The following PKIB variants were observed in gnomAD, a reference collection of about 807,000 sequenced individuals.
PKIB encodes the protein cAMP-dependent protein kinase inhibitor beta, also known as PKI-beta.
In PKIB, 2 loss-of-function variants were observed where a neutral mutation model predicts 4.5. That is an observed-to-expected ratio of 0.44 (90% CI 0.18 to 1.39). The LOEUF (loss-of-function observed/expected upper bound fraction) is 1.39. PKIB is among the 40% of genes most tolerant of loss of function. The probability of loss-of-function intolerance (pLI) is 0.27; values close to 1 mark genes in which losing one functional copy is unlikely to be tolerated. For synonymous variants in PKIB, 38 were observed against 36.0 expected, an observed-to-expected ratio of 1.06 and a Z score of -0.20; for missense variants, 94 against 92.6, an observed-to-expected ratio of 1.02 and a Z score of -0.06.
chr6:122,553,291 T>A (rs1772735431), intron 2 of PKIB, among the ~76,000 whole-genome samples: 1 of 152,050 alleles, frequency 6.6e-6, no homozygotes. Flanking sequence ...ACAAAAGTAA[T>A]TGCAGTTTTT....
At chr6:122,507,935 CAA>C (rs779816204) in intron 2 of PKIB, among the ~76,000 whole-genome samples, 2 of 151,954 alleles carry the variant, frequency 1.3e-5, no homozygotes, top group East Asian at 1.9e-4. Context: ...TTTAAGGTAA[CAA>C]GAGCCAATTG....
At chr6:122,502,507 G>C (rs1776271357) in intron 2 of PKIB, among the ~76,000 whole-genome samples, 1 of 151,792 alleles carries the variant, frequency 6.6e-6, no homozygotes, top group Non-Finnish European at 1.5e-5. Context: ...TCGTTTGGCA[G>C]AACAGAAGAG....
At chr6:122,520,240 A>C (rs1388985371) in intron 2 of PKIB, among the ~76,000 whole-genome samples, 2 of 152,150 alleles carry the variant, frequency 1.3e-5, no homozygotes, top group Non-Finnish European at 2.9e-5. Flanking sequence ...ATAAGCTCCT[A>C]GAAGAAAAGA....
At chr6:122,679,927 A>G (rs925269781) in intron 3 of PKIB, among the ~76,000 whole-genome samples, 5 of 152,336 alleles carry the variant, frequency 3.3e-5, no homozygotes, top group African/African-American at 1.2e-4. Flanking sequence ...GATAATAGGT[A>G]GAGGAGCCAA....
chr6:122,521,477 G>A (rs1454932133), intron 2 of PKIB, among the ~76,000 whole-genome samples: 3 of 151,948 alleles, frequency 2.0e-5, no homozygotes, highest in African/African-American at 4.8e-5. Context: ...TCAGGAGATC[G>A]AGACCATCCT....
At chr6:122,625,080 A>C (rs564486329) in intron 1 of PKIB, among the ~76,000 whole-genome samples, 1 of 152,320 alleles carries the variant, frequency 6.6e-6, no homozygotes, top group African/African-American at 2.4e-5. Flanking sequence ...GCAGTTGCGC[A>C]ATGCAGATGT....
At chr6:122,721,101 T>C (rs905186420) in intron 4 of PKIB, among the ~76,000 whole-genome samples, 1 of 152,168 alleles carries the variant, frequency 6.6e-6, no homozygotes. Context: ...AGATTACCTT[T>C]TCAGTACAAA....
chr6:122,501,090 C>G (rs1252352423), intron 2 of PKIB, among the ~76,000 whole-genome samples: 1 of 152,098 alleles, frequency 6.6e-6, no homozygotes, highest in Non-Finnish European at 1.5e-5. Context: ...TCATTCTGCC[C>G]CCAGCTTCTC....
At chr6:122,532,650 A>G (rs532253585) in intron 2 of PKIB, among the ~76,000 whole-genome samples, 1 of 152,292 alleles carries the variant, frequency 6.6e-6, no homozygotes, top group Non-Finnish European at 1.5e-5. Context: ...TATTTTGCCT[A>G]CCATAATGTT....
intron 1 of PKIB, among the ~76,000 whole-genome samples, chr6:122,621,051 C>A (rs1775206451): frequency 6.6e-6 from 1 of 152,086 alleles, no homozygotes; most frequent in African/African-American, 2.4e-5. Flanking sequence ...GTCATTTTAA[C>A]CTACTACCAG....
intron 2 of PKIB, among the ~76,000 whole-genome samples, chr6:122,572,632 C>A (rs1582706402): frequency 2.2e-5 from 3 of 139,398 alleles, no homozygotes; most frequent in African/African-American, 2.6e-5. Context: ...AAGATCAGAG[C>A]AGAACTAAAT....
chr6:122,653,103 A>G (rs2114885871), intron 2 of PKIB, among the ~76,000 whole-genome samples: 1 of 152,324 alleles, frequency 6.6e-6, no homozygotes, highest in Non-Finnish European at 1.5e-5. Flanking sequence ...TTGGCTAGTC[A>G]GGAAGAATTC....
At chr6:122,717,392 C>T (rs924745100) in intron 3 of PKIB, among the ~76,000 whole-genome samples, 3 of 152,118 alleles carry the variant, frequency 2.0e-5, no homozygotes, top group African/African-American at 7.2e-5. Context: ...TCAGCCTGAA[C>T]AATCACCACA....
At chr6:122,588,200 G>A (rs959017366) in intron 3 of PKIB, among the ~76,000 whole-genome samples, 65 of 152,170 alleles carry the variant, frequency 4.3e-4, no homozygotes, top group African/African-American at 1.4e-3. Context: ...TAATTTTTGT[G>A]TAAGGTGTAA....
intron 2 of PKIB, among the ~76,000 whole-genome samples, chr6:122,553,481 C>CTTTTTTTTTTTTTTTT (rs533553939): frequency 0.04 from 2,640 of 65,616 alleles, 645 homozygotes; most frequent in Non-Finnish European, 0.045. Context: ...CAAATATCTT[C>CTTTTTTTTTTTTTTTT]TTTTTTTTTT....
chr6:122,516,976 G>C (rs1049097268), intron 2 of PKIB, among the ~76,000 whole-genome samples: 1 of 152,132 alleles, frequency 6.6e-6, no homozygotes, highest in African/African-American at 2.4e-5. Context: ...CATAGTGTGG[G>C]AATGGTGCAT....
At chr6:122,618,792 A>C (rs986069067) in intron 1 of PKIB, among the ~76,000 whole-genome samples, 1 of 152,118 alleles carries the variant, frequency 6.6e-6, no homozygotes, top group African/African-American at 2.4e-5. Flanking sequence ...TTGATACATC[A>C]TATACACCTA....
At chr6:122,596,154 C>T (rs967153069) in intron 3 of PKIB, among the ~76,000 whole-genome samples, 1 of 152,210 alleles carries the variant, frequency 6.6e-6, no homozygotes, top group African/African-American at 2.4e-5. Flanking sequence ...CGAAGTTCTG[C>T]CCACTGGGAA....
At chr6:122,583,712 G>A (rs1049938223) in intron 2 of PKIB, among the ~76,000 whole-genome samples, 2 of 152,062 alleles carry the variant, frequency 1.3e-5, no homozygotes, top group East Asian at 3.9e-4. Context: ...CATAATGATG[G>A]TATTAATATC....
Sources: gnomAD v4.1 joint callset for allele counts (sites outside exome capture counted in the v4.1 genomes callset) on GRCh38, gnomAD v4.1.1 for gene constraint, MANE v1.5 for transcripts, NCBI Gene and HGNC (gene_info 2026-07-23, HGNC 2026-07-21) for gene names.